Variants in SARDH observed in about 807,000 individuals in gnomAD.
SARDH encodes sarcosine dehydrogenase, mitochondrial.
SARDH carries 95 observed loss-of-function variants against 109.1 expected under a neutral mutation model. The ratio of observed to expected loss-of-function variants is 0.87; its 90% CI spans 0.74 to 1.03. The LOEUF (loss-of-function observed/expected upper bound fraction) is 1.03, where lower values mean the gene tolerates loss of function less well. Among genes scored for constraint, SARDH ranks in the 50% least tolerant of loss-of-function variants. The probability of loss-of-function intolerance (pLI) is 0.00; values close to 1 mark genes in which losing one functional copy is unlikely to be tolerated. For synonymous variants in SARDH, 572 were observed against 534.8 expected (o/e 1.07, Z -0.96); for missense variants, 1,267 against 1,287.8 (o/e 0.98, Z 0.25).
intron 11 of SARDH, among the ~76,000 whole-genome samples, chr9:133,706,666 G>A (rs1831706566): frequency 6.6e-6 from 1 of 152,186 alleles, no homozygotes; most frequent in Non-Finnish European, 1.5e-5. Context: ...AACAGAGTGG[G>A]AGGTTTCTTT....
At chr9:133,702,712 AATCTCGGC>A (rs1326490822) in intron 13 of SARDH, among the ~76,000 whole-genome samples, 196 bp downstream of exon 13, 2 of 81,170 alleles carry the variant, frequency 2.5e-5, no homozygotes, top group Non-Finnish European at 6.9e-5. Context: ...CTGCTGGCAA[AATCTCGGC>A]ACAGAGGGAG....
downstream of SARDH, among the ~76,000 whole-genome samples, chr9:133,660,191 C>T (rs911648162): frequency 6.6e-5 from 10 of 152,038 alleles, no homozygotes; most frequent in African/African-American, 2.2e-4. Flanking sequence ...AGCGTAACCC[C>T]GTGGTTGCTG....
intron 11 of SARDH, among the ~76,000 whole-genome samples, chr9:133,707,416 C>G (rs1304430300): frequency 6.6e-6 from 1 of 152,190 alleles, no homozygotes; most frequent in East Asian, 1.9e-4. Flanking sequence ...GTCCACCAAG[C>G]CAGGCCAAAG....
chr9:133,695,561 G>C (rs939696921), intron 14 of SARDH, among the ~76,000 whole-genome samples: 6 of 152,190 alleles, frequency 3.9e-5, no homozygotes, highest in Admixed American at 2.6e-4. Context: ...ACCAGCAGCT[G>C]GAAGAGCAAG....
At chr9:133,715,905 G>C (rs1053573998) in intron 8 of SARDH, among the ~76,000 whole-genome samples, 4 of 152,224 alleles carry the variant, frequency 2.6e-5, no homozygotes, top group Admixed American at 2.6e-4. Context: ...GACTCACCAG[G>C]CTTCTGACAC....
chr9:133,728,943 A>T lies in SARDH; in HGVS notation c.915+822T>A, dbSNP rs1226646475. Among the ~76,000 whole-genome samples, 1 of 151,916 alleles carries T rather than the reference A, an allele frequency of 6.6e-6. No homozygotes were observed. The highest frequency in any genetic ancestry group is 1.5e-5 in the Non-Finnish European group (1 of 67,986). The stretch of plus-strand genomic sequence containing the variant: ...GGATGGACAGATGAACATGTGGATA[A>T]ATAGATGAATAGATAGATGGAGAGA... On this transcript the variant is annotated intron_variant, in intron 6 of 20. Transcript: ENST00000439388. The surrounding 1 kb of genome is among the most constrained non-coding windows in gnomAD (Gnocchi z 5.0).
intron 18 of SARDH, among the ~76,000 whole-genome samples, chr9:133,671,196 G>A (rs867859002): frequency 6.6e-6 from 1 of 152,136 alleles, no homozygotes; most frequent in Non-Finnish European, 1.5e-5. Context: ...ATTCTTCACA[G>A]CTCTCAGAGA....
At chr9:133,733,246 C>A (rs1408583127) in intron 2 of SARDH, among the ~76,000 whole-genome samples, 1 of 152,232 alleles carries the variant, frequency 6.6e-6, no homozygotes, top group East Asian at 1.9e-4. Flanking sequence ...TGACCTCACA[C>A]TGGTGGCTTT....
In SARDH at chr9:133,692,013, G is replaced by A. The variant is rs1831116418; in HGVS notation, c.1922-1486C>T. 6.6e-6 allele frequency among the ~76,000 whole-genome samples: 1 copy of A among 152,168 alleles called. No individual in the cohort carries two copies. The highest frequency in any genetic ancestry group is 2.4e-5 in the African/African-American group (1 of 41,430). On this transcript the variant is annotated intron_variant, in intron 15 of 20. Transcript: ENST00000439388. This position sits in a 1 kb window ranked among gnomAD's most constrained non-coding sequence, Gnocchi z 5.0. ...GCTAATTGTGCACCACTGGGAGATG[G>A]CTCAGCGTTGAAAGCACTTTCCTGA...
At chr9:133,736,355 G>C (rs1461301182) in intron 1 of SARDH, among the ~76,000 whole-genome samples, 1 of 151,672 alleles carries the variant, frequency 6.6e-6, no homozygotes, top group Non-Finnish European at 1.5e-5. Flanking sequence ...TTTGCTGTGT[G>C]TCTCATGTTT....
downstream of SARDH, among the ~76,000 whole-genome samples, chr9:133,662,937 G>A (rs1482863805): frequency 1.3e-5 from 2 of 152,202 alleles, no homozygotes; most frequent in African/African-American, 4.8e-5. The surrounding 1 kb of genome is among the most constrained non-coding windows in gnomAD (Gnocchi z 5.1). Context: ...AGCTGCTTCT[G>A]ACACACAGGC....
At chr9:133,672,612 G>A (rs113703563) in intron 17 of SARDH, among the ~76,000 whole-genome samples, 230 of 152,344 alleles carry the variant, frequency 1.5e-3, no homozygotes, top group African/African-American at 5.2e-3. Context: ...TGCCAAGCCC[G>A]TTGTCCGAGG....
intron 6 of SARDH, among the ~76,000 whole-genome samples, 197 bp downstream of exon 6, chr9:133,729,568 C>T (rs1245795635): frequency 6.6e-6 from 1 of 152,176 alleles, no homozygotes; most frequent in African/African-American, 2.4e-5. Flanking sequence ...CAGGGATACG[C>T]CTGTGCTACC....
chr9:133,705,051 A>G lies in SARDH; in HGVS notation c.1471-20T>C, dbSNP rs76222949. On this transcript the variant is annotated intron_variant, in intron 11 of 20. Transcript: ENST00000439388. ...GAGTTCCTGAGCAGGAGTGGGGAACAGGCATCTGTCACGCATGGCCTGATA... is the reference window on the plus strand; with the variant it reads ...GAGTTCCTGAGCAGGAGTGGGGAACGGGCATCTGTCACGCATGGCCTGATA... 42 of 1,576,106 alleles carry G rather than the reference A, an allele frequency of 2.7e-5. No individual in the cohort carries two copies. In the African/African-American group the frequency reaches 3.3e-4, roughly 13 times the overall value.
intron 10 of SARDH, among the ~76,000 whole-genome samples, chr9:133,711,753 C>T (rs1308944839): frequency 6.6e-6 from 1 of 152,336 alleles, no homozygotes; most frequent in African/African-American, 2.4e-5. Flanking sequence ...CCACCAGCAG[C>T]AGCAGCCGGG....
chr9:133,661,535 G>A (rs1182639376), downstream of SARDH, among the ~76,000 whole-genome samples: 4 of 151,690 alleles, frequency 2.6e-5, no homozygotes, highest in South Asian at 2.1e-4. Context: ...AGGCTGGAGT[G>A]CAATGGCATA....
rs1832574997 is a variant in SARDH at position 133,728,741 on chromosome 9, C to G, written c.915+1024G>C. 6.6e-6 allele frequency among the ~76,000 whole-genome samples: 1 copy of G among 152,080 alleles called. No individual in the cohort carries two copies. Among genetic ancestry groups the G allele is most frequent in the South Asian group, 2.1e-4 (1 of 4,820 alleles). ...CTAGAATAGGGCCTGAAACACCAAG[C>G]TCACCCATCAATGTCTGATGCAGAG... On this transcript the variant is annotated intron_variant, in intron 6 of 20. Coordinates refer to ENST00000439388, the MANE Select transcript of SARDH (RefSeq NM_001134707.2). The surrounding 1 kb of genome is among the most constrained non-coding windows in gnomAD (Gnocchi z 5.0).
At chr9:133,697,661 G>A (rs1831331793) in intron 13 of SARDH, among the ~76,000 whole-genome samples, 1 of 152,010 alleles carries the variant, frequency 6.6e-6, no homozygotes, top group South Asian at 2.1e-4. Flanking sequence ...AGAGAACAAA[G>A]GACAAAAACC....
chr9:133,737,455 C>T (rs1832923025), intron 1 of SARDH, among the ~76,000 whole-genome samples: 1 of 152,204 alleles, frequency 6.6e-6, no homozygotes, highest in African/African-American at 2.4e-5. Flanking sequence ...TGAAGGTCCA[C>T]AGTCTTCCAG....
Sources: allele counts gnomAD v4.1 joint callset (sites outside exome capture counted in the v4.1 genomes callset), GRCh38; gene constraint gnomAD v4.1.1; non-coding constraint Gnocchi (gnomAD v3.1); transcripts MANE v1.5; gene names NCBI Gene and HGNC (gene_info 2026-07-23, HGNC 2026-07-21).